CCDC25: variants seen among roughly 807,000 people sequenced by gnomAD.
The protein encoded by CCDC25 is coiled-coil domain-containing protein 25.
Under a neutral mutation model 35.3 loss-of-function variants are expected in CCDC25, and 16 were observed. That is an observed-to-expected ratio of 0.45 (90% CI 0.31 to 0.69). CCDC25 has a LOEUF of 0.69. CCDC25 is among the 30% of genes least tolerant of loss of function. The probability of loss-of-function intolerance (pLI) is 0.06; values close to 1 mark genes in which losing one functional copy is unlikely to be tolerated. For missense variants in CCDC25, 179 were observed against 250.7 expected (o/e 0.71, Z 1.93); for synonymous variants, 79 against 80.3 (o/e 0.98, Z 0.09).
intron 3 of CCDC25, 77 bp downstream of exon 3, chr8:27,762,342 T>C: frequency 1.6e-6 from 2 of 1,286,960 alleles, no homozygotes; most frequent in Non-Finnish European, 2.3e-6. Flanking sequence ...CAAAGCATGA[T>C]TCTAGTTTGA....
At chr8:27,759,526 T>C (rs1029576715) in intron 3 of CCDC25, among the ~76,000 whole-genome samples, 3 of 150,656 alleles carry the variant, frequency 2.0e-5, no homozygotes, top group African/African-American at 7.3e-5. Flanking sequence ...GCAGAACCAC[T>C]TGAACCCGGG....
At chr8:27,749,152 C>T (rs931719630) in intron 5 of CCDC25, among the ~76,000 whole-genome samples, 1 of 152,188 alleles carries the variant, frequency 6.6e-6, no homozygotes, top group African/African-American at 2.4e-5. Context: ...AAAGAAAACA[C>T]AGAAGTCATC....
rs142405701 is a variant in CCDC25, at chr8:27,746,470, T to C, written c.551+1607A>G. On this transcript the variant is annotated intron_variant, in intron 7 of 8. Transcript: ENST00000356537. ...GTTGTAAGTAAATTAGGTGATCTTA[T>C]GTTCCTAATATATGTTCCATCATGT... 1.2e-3 allele frequency among the ~76,000 whole-genome samples: 183 copies of C among 152,344 alleles called. 1 individual carries two copies. Among genetic ancestry groups the C allele is most frequent in the African/African-American group, 4.0e-3 (166 of 41,596 alleles).
At chr8:27,762,481 A>G (rs775754551) in intron 2 of CCDC25, 23 bp from the exon 3 acceptor site, 3 of 1,608,516 alleles carry the variant, frequency 1.9e-6, no homozygotes, top group South Asian at 1.1e-5. Context: ...ATGAGAAACG[A>G]AAGAAACAAA....
At chr8:27,770,152 A>G (rs2128948707) in intron 1 of CCDC25, among the ~76,000 whole-genome samples, 1 of 152,292 alleles carries the variant, frequency 6.6e-6, no homozygotes, top group East Asian at 1.9e-4. Context: ...TCAAAAAAAC[A>G]AAAAACAAAA....
chr8:27,744,528 T>G (rs1803542745), intron 7 of CCDC25, among the ~76,000 whole-genome samples: 1 of 152,248 alleles, frequency 6.6e-6, no homozygotes, highest in Non-Finnish European at 1.5e-5. Flanking sequence ...ATCCATTTAA[T>G]TAGTTACTGG....
At chr8:27,752,654 G>A in intron 4 of CCDC25, 67 bp from the exon 5 acceptor site, 1 of 1,204,346 alleles carries the variant, frequency 8.3e-7, no homozygotes, top group Non-Finnish European at 1.2e-6. Flanking sequence ...GCACTCAAAG[G>A]GCATTTGCTG....
chr8:27,752,811 TA>T (rs71553882), intron 4 of CCDC25: 14,406 of 173,270 alleles, frequency 0.083, 224 homozygotes, highest in Middle Eastern at 0.13. Context: ...ACTTAATAAG[TA>T]AAAAAAAAAA....
intron 8 of CCDC25, among the ~76,000 whole-genome samples, chr8:27,739,183 A>C (rs1803355131): frequency 6.6e-6 from 1 of 152,208 alleles, no homozygotes. Flanking sequence ...TCTAAACTTC[A>C]AATTCAAAGC....
intron 1 of CCDC25, among the ~76,000 whole-genome samples, chr8:27,766,050 C>A (rs575151226): frequency 1.3e-5 from 2 of 152,356 alleles, no homozygotes; most frequent in Non-Finnish European, 2.9e-5. Flanking sequence ...GCAGACGTCC[C>A]TACCTTGGAT....
chr8:27,751,767 T>C (rs971009278), intron 5 of CCDC25, among the ~76,000 whole-genome samples: 1 of 152,160 alleles, frequency 6.6e-6, no homozygotes, highest in Non-Finnish European at 1.5e-5. Flanking sequence ...ACCCTAATAA[T>C]CATCCTTCTT....
At chr8:27,743,343 T>A (rs1325369528) in intron 7 of CCDC25, among the ~76,000 whole-genome samples, 2 of 152,224 alleles carry the variant, frequency 1.3e-5, no homozygotes, top group African/African-American at 4.8e-5. Context: ...AGCTTCATTG[T>A]ATCAACCCTT....
At chr8:27,771,456 T>C (rs774984505) in intron 1 of CCDC25, among the ~76,000 whole-genome samples, 10 of 152,082 alleles carry the variant, frequency 6.6e-5, no homozygotes, top group African/African-American at 7.2e-5. Context: ...TTATTGACAA[T>C]AACTAATAAT....
At chr8:27,746,993 G>A (rs1434468986) in intron 7 of CCDC25, among the ~76,000 whole-genome samples, 2 of 152,104 alleles carry the variant, frequency 1.3e-5, no homozygotes, top group Non-Finnish European at 2.9e-5. Context: ...TATGTTATAA[G>A]TAACTCTTTT....
chr8:27,770,082 T>C (rs559410216), intron 1 of CCDC25, among the ~76,000 whole-genome samples: 1 of 152,260 alleles, frequency 6.6e-6, no homozygotes, highest in East Asian at 1.9e-4. Context: ...AGGTAGAGGT[T>C]GCAGTGAACT....
chr8:27,734,758 GA>G lies in CCDC25; in HGVS notation c.*1457del, dbSNP rs1413527006. 1.3e-5 allele frequency: 2 copies of G among 152,210 alleles called. No individual in the cohort carries two copies. The highest frequency in any genetic ancestry group is 6.5e-5 in the Admixed American group (1 of 15,276). 9.4% of individuals were successfully genotyped at this position (152,210 alleles called of 1,614,324 possible). ...TACATGTGTTGCAGTGTGAGGTACA[GA>G]GGAATTCTGTAGAAGCCGGACTCCT... On this transcript the variant is annotated 3_prime_UTR_variant, in exon 9 of 9. Transcript: ENST00000356537.
Position 27,735,586 on chromosome 8 carries a change from A to G in CCDC25, c.*630T>C, listed in dbSNP as rs892476228. ...TGATGAACACCATCAATTTCTTTAA[A>G]TATGTTGATACTAAGATGGAGGCCT... On this transcript the variant is annotated 3_prime_UTR_variant, in exon 9 of 9. Coordinates refer to ENST00000356537, the MANE Select transcript of CCDC25 (RefSeq NM_018246.3). 6.6e-6 allele frequency: 1 copy of G among 152,192 alleles called. No homozygotes were observed. The highest frequency in any genetic ancestry group is 2.4e-5 in the African/African-American group (1 of 41,434). The allele number at this position is 152,192 out of a possible 1,614,324, so 9.4% of individuals were successfully genotyped here. A position where few individuals can be genotyped will look rare whatever the true frequency, so the allele number is the denominator to read the frequency against.
intron 4 of CCDC25, among the ~76,000 whole-genome samples, chr8:27,754,980 A>T (rs1259369540): frequency 1.3e-5 from 2 of 152,184 alleles, no homozygotes; most frequent in African/African-American, 2.4e-5. Context: ...CCGAAAAGTG[A>T]TGACACTCCA....
At chr8:27,754,851 T>A (rs557354754) in intron 4 of CCDC25, among the ~76,000 whole-genome samples, 1 of 152,194 alleles carries the variant, frequency 6.6e-6, no homozygotes, top group African/African-American at 2.4e-5. Context: ...GCCATCCCCA[T>A]GAGCTCATGT....
Sources: allele counts gnomAD v4.1 joint callset (sites outside exome capture counted in the v4.1 genomes callset), GRCh38; gene constraint gnomAD v4.1.1; transcripts MANE v1.5; gene names NCBI Gene and HGNC (gene_info 2026-07-23, HGNC 2026-07-21).